Variants in ME3 observed in about 807,000 individuals in gnomAD.
The protein encoded by ME3 is NADP-dependent malic enzyme, mitochondrial.
A neutral mutation model predicts 68.9 loss-of-function variants in ME3; 48 were observed. The observed-to-expected ratio is 0.70, with a 90% CI of 0.55 to 0.89. The LOEUF (loss-of-function observed/expected upper bound fraction) is 0.89. ME3 is among the 40% of genes least tolerant of loss of function. The probability of loss-of-function intolerance (pLI) is 0.00; values close to 1 mark genes in which losing one functional copy is unlikely to be tolerated. For synonymous variants in ME3, 320 were observed against 318.8 expected (o/e 1.00, Z -0.04); for missense variants, 675 against 797.4 (o/e 0.85, Z 1.85).
chr11:86,498,209 T>C (rs1206121434), intron 5 of ME3, 85 bp from the exon 6 acceptor site: 3 of 1,466,914 alleles, frequency 2.0e-6, no homozygotes, highest in Non-Finnish European at 2.7e-6. Context: ...CCATCAGGCT[T>C]GGCGACTGGA....
chr11:86,565,932 G>A (rs576592986), intron 2 of ME3, among the ~76,000 whole-genome samples: 1 of 152,360 alleles, frequency 6.6e-6, no homozygotes, highest in South Asian at 2.1e-4. Context: ...TCTCATAAGA[G>A]ACACTGTGAG....
At chr11:86,447,027 G>T in intron 12 of ME3, 38 bp downstream of exon 12, 1 of 1,605,460 alleles carries the variant, frequency 6.2e-7, no homozygotes, top group Non-Finnish European at 8.5e-7. Context: ...TTGTTACTAT[G>T]TCCTCTCAGC....
intron 8 of ME3, among the ~76,000 whole-genome samples, chr11:86,459,730 C>G (rs1950135764): frequency 6.6e-6 from 1 of 152,180 alleles, no homozygotes; most frequent in Admixed American, 6.5e-5. Flanking sequence ...AATGGGGATT[C>G]AGACCTAGGC....
intron 2 of ME3, among the ~76,000 whole-genome samples, chr11:86,617,508 T>C (rs111295384): frequency 8.1e-4 from 123 of 152,258 alleles, no homozygotes; most frequent in African/African-American, 2.7e-3. Context: ...TTCCTAAAGG[T>C]AGGTGTACTG....
intron 4 of ME3, among the ~76,000 whole-genome samples, chr11:86,537,003 G>A (rs952713817): frequency 3.3e-5 from 5 of 151,518 alleles, no homozygotes; most frequent in African/African-American, 1.2e-4. Flanking sequence ...GGATGAAATT[G>A]GAAATCATCA....
At position 86,588,796 on chromosome 11, in the gene ME3, G is replaced by A. The variant is rs1016200964; in HGVS notation, c.184-28973C>T. Among the ~76,000 whole-genome samples, 4 of 152,120 alleles carry A rather than the reference G, an allele frequency of 2.6e-5. No homozygotes were observed. The East Asian group carries it at 7.7e-4, about 29-fold the overall frequency. ...GAAAGAAAGCCTGGGTTTCCCTAAG[G>A]TTTACTCATGGGTGACAACATTATT... On this transcript the variant is annotated intron_variant, in intron 2 of 14. Coordinates refer to ENST00000543262, the Ensembl canonical transcript of ME3.
At chr11:86,655,196 C>A (rs1257861541) in intron 2 of ME3, among the ~76,000 whole-genome samples, 12 of 152,164 alleles carry the variant, frequency 7.9e-5, no homozygotes, top group Non-Finnish European at 8.8e-5. Context: ...AGATTCAATG[C>A]TATCCCCATC....
At chr11:86,616,678 G>C (rs1175893711) in intron 2 of ME3, among the ~76,000 whole-genome samples, 2 of 152,064 alleles carry the variant, frequency 1.3e-5, no homozygotes, top group Non-Finnish European at 2.9e-5. Context: ...ACCTAGTTGG[G>C]GGACATTCTA....
intron 2 of ME3, among the ~76,000 whole-genome samples, chr11:86,640,488 G>T (rs775630905): frequency 3.3e-5 from 5 of 152,210 alleles, no homozygotes; most frequent in Admixed American, 6.5e-5. Flanking sequence ...ACTAACACAT[G>T]CTCAGAACCC....
chr11:86,500,953 G>A (rs797010741), intron 5 of ME3, among the ~76,000 whole-genome samples: 3 of 152,074 alleles, frequency 2.0e-5, no homozygotes, highest in East Asian at 1.9e-4. Context: ...GCCAAGACCC[G>A]CACAAGGTGT....
chr11:86,465,635 C>A (rs1419136680), intron 7 of ME3, among the ~76,000 whole-genome samples: 2 of 152,142 alleles, frequency 1.3e-5, no homozygotes, highest in Non-Finnish European at 2.9e-5. Flanking sequence ...AGGTGGGGAG[C>A]CCCTGCATCC....
At chr11:86,634,477 T>C (rs1017090254) in intron 2 of ME3, among the ~76,000 whole-genome samples, 2 of 152,212 alleles carry the variant, frequency 1.3e-5, no homozygotes, top group Non-Finnish European at 2.9e-5. Context: ...AGACTGTCTT[T>C]CTTACTGTCG....
chr11:86,654,451 T>A (rs1307704108), intron 2 of ME3, among the ~76,000 whole-genome samples: 1 of 152,172 alleles, frequency 6.6e-6, no homozygotes, highest in Non-Finnish European at 1.5e-5. Context: ...CATATGCAAA[T>A]CAATAAACGT....
chr11:86,631,934 T>G (rs986686586), intron 2 of ME3, among the ~76,000 whole-genome samples: 3 of 152,154 alleles, frequency 2.0e-5, no homozygotes, highest in Admixed American at 2.0e-4. Context: ...GGTTTCATCA[T>G]GTTGGCCAGG....
chr11:86,439,263 C>A (rs899157392), downstream of ME3, among the ~76,000 whole-genome samples: 2 of 152,216 alleles, frequency 1.3e-5, no homozygotes, highest in Admixed American at 6.5e-5. Flanking sequence ...TATAAAGTTT[C>A]TCTCTAAACA....
intron 2 of ME3, among the ~76,000 whole-genome samples, chr11:86,598,778 G>A (rs916060586): frequency 6.6e-6 from 1 of 152,200 alleles, no homozygotes; most frequent in African/African-American, 2.4e-5. Flanking sequence ...TCAGACAGCA[G>A]CATTCGCGGA....
Position 86,525,822 on chromosome 11 carries a change from A to G in ME3, c.468-16955T>C, listed in dbSNP as rs191881551. Reference sequence around the variant, plus strand: ...GGTTGCAGTGAGGTGAGATCGTGCCATTGCACTCCAGCCTGGGCAACAAGG... The same window carrying G: ...GGTTGCAGTGAGGTGAGATCGTGCCGTTGCACTCCAGCCTGGGCAACAAGG... On this transcript the variant is annotated intron_variant, in intron 4 of 14. Coordinates refer to ENST00000543262, the Ensembl canonical transcript of ME3. 4.5e-3 allele frequency among the ~76,000 whole-genome samples: 677 copies of G among 149,140 alleles called. 7 individuals carry two copies. Among genetic ancestry groups the G allele is most frequent in the African/African-American group, 0.015 (620 of 40,194 alleles).
At chr11:86,532,138 T>C (rs1382480584) in intron 4 of ME3, among the ~76,000 whole-genome samples, 2 of 152,142 alleles carry the variant, frequency 1.3e-5, no homozygotes, top group Non-Finnish European at 2.9e-5. Flanking sequence ...AGAAGATCAT[T>C]ATATAATGAT....
intron 2 of ME3, among the ~76,000 whole-genome samples, chr11:86,662,674 T>C (rs1429802605): frequency 6.6e-6 from 1 of 152,250 alleles, no homozygotes; most frequent in Non-Finnish European, 1.5e-5. Context: ...GTTGTGGTAT[T>C]GTATTAAATG....
Sources: allele counts gnomAD v4.1 joint callset (sites outside exome capture counted in the v4.1 genomes callset), GRCh38; gene constraint gnomAD v4.1.1; transcripts MANE v1.5; gene names NCBI Gene and HGNC (gene_info 2026-07-23, HGNC 2026-07-21).